PTPRT: variants seen among roughly 807,000 people sequenced by gnomAD.
PTPRT encodes the protein protein tyrosine phosphatase receptor type T, also known as receptor-type tyrosine-protein phosphatase T.
In PTPRT, 56 loss-of-function variants were observed where a neutral mutation model predicts 176.8. That is an observed-to-expected ratio of 0.32 (90% CI 0.26 to 0.40). The LOEUF is 0.40. Among genes scored for constraint, PTPRT ranks in the 10% least tolerant of loss-of-function variants. The pLI, the probability that PTPRT is intolerant of heterozygous loss-of-function variation, is 1.00. For missense variants in PTPRT, 1,540 were observed against 1,908.2 expected, an observed-to-expected ratio of 0.81 and a Z score of 3.60; for synonymous variants, 783 against 739.0, an observed-to-expected ratio of 1.06 and a Z score of -0.96.
intron 21 of PTPRT, among the ~76,000 whole-genome samples, chr20:42,118,022 C>T (rs901812632): frequency 2.0e-5 from 3 of 152,196 alleles, no homozygotes; most frequent in African/African-American, 7.2e-5. Context: ...AAACAGTTGA[C>T]ATTCGACCAT....
rs1177742620 is a variant in PTPRT, at chr20:42,839,687, TC to T, written c.214+46119del. 4.6e-5 allele frequency among the ~76,000 whole-genome samples: 7 copies of T among 152,114 alleles called. No individual in the cohort carries two copies. The East Asian group carries it at 1.3e-3, about 29-fold the overall frequency. ...GGGTGGAGAAAAATGACCAAGGACA[TC>T]CCAAGGTATGGCATAGTCTGGAGGG... On this transcript the variant is annotated intron_variant, in intron 2 of 30. Coordinates refer to ENST00000373187, the MANE Select transcript of PTPRT (RefSeq NM_007050.6).
At chr20:42,905,438 G>T (rs1450812107) in intron 1 of PTPRT, among the ~76,000 whole-genome samples, 1 of 152,198 alleles carries the variant, frequency 6.6e-6, no homozygotes, top group East Asian at 1.9e-4. Flanking sequence ...AGAGGATGTG[G>T]AGAAATAGGA....
chr20:42,776,796 ATAAT>A (rs1268807339), intron 4 of PTPRT, among the ~76,000 whole-genome samples: 13 of 148,456 alleles, frequency 8.8e-5, no homozygotes, highest in South Asian at 4.2e-4. Flanking sequence ...ATATGATTAT[ATAAT>A]TATTTATATA....
chr20:42,036,524 G>C, the PTPRT span, among the ~76,000 whole-genome samples: 1 of 152,174 alleles, frequency 6.6e-6, no homozygotes, highest in East Asian at 1.9e-4. Context: ...TGATTCCACA[G>C]TTGGTGCCCA....
chr20:42,909,242 C>G (rs1010411671), intron 1 of PTPRT, among the ~76,000 whole-genome samples: 3 of 152,116 alleles, frequency 2.0e-5, no homozygotes, highest in Admixed American at 2.0e-4. Context: ...TATCATTGCT[C>G]TATTGATCTA....
chr20:42,768,506 T>C (rs1185237493), intron 5 of PTPRT, among the ~76,000 whole-genome samples: 6 of 150,698 alleles, frequency 4.0e-5, no homozygotes, highest in Admixed American at 1.3e-4. Flanking sequence ...CAGGTAGAAT[T>C]TTCCTGAGCA....
intron 1 of PTPRT, among the ~76,000 whole-genome samples, chr20:43,022,585 G>A (rs929528839): frequency 1.3e-5 from 2 of 152,334 alleles, no homozygotes; most frequent in Middle Eastern, 6.8e-3. Flanking sequence ...TGTCTGGAGA[G>A]GGGGCTGATT....
intron 6 of PTPRT, among the ~76,000 whole-genome samples, chr20:42,696,749 C>A (rs2075886039): frequency 6.6e-6 from 1 of 152,106 alleles, no homozygotes; most frequent in South Asian, 2.1e-4. Flanking sequence ...GCCACCCCGC[C>A]CGGCCATGAA....
At chr20:43,017,607 G>A (rs978194939) in intron 1 of PTPRT, among the ~76,000 whole-genome samples, 14 of 152,122 alleles carry the variant, frequency 9.2e-5, no homozygotes, top group African/African-American at 1.9e-4. Context: ...TGGCCATCCC[G>A]TCAAGCCTGA....
rs185235952 is a variant in PTPRT, at chr20:42,306,873, G to A, written c.2139+8850C>T. Among the ~76,000 whole-genome samples the A allele has an allele frequency of 6.9e-3, 1,051 of 152,290 alleles. 18 individuals are homozygous for A. Among genetic ancestry groups the A allele is most frequent in the African/African-American group, 0.024 (1,002 of 41,560 alleles). On this transcript the variant is annotated intron_variant, in intron 12 of 30. Transcript: ENST00000373187. Reference sequence around the variant, plus strand: ...GTAACTGAGACCCCATGGGATTCCAGGAGCCTCTAGGTGTTCGTCCATCTA... The same window carrying A: ...GTAACTGAGACCCCATGGGATTCCAAGAGCCTCTAGGTGTTCGTCCATCTA...
Position 42,924,634 on chromosome 20 carries a change from T to TA in PTPRT, c.89-38703dup, listed in dbSNP as rs568103292. Among the ~76,000 whole-genome samples, 384 of 152,324 alleles carry TA rather than the reference T, an allele frequency of 2.5e-3. 1 individual carries two copies. Among genetic ancestry groups the TA allele is most frequent in the African/African-American group, 8.8e-3 (364 of 41,574 alleles). ...AGCTGAGCTCACACAGAACGGCTAA[T>TA]ATGTGCACAGAACATCACAGCTGGC... On this transcript the variant is annotated intron_variant, in intron 1 of 30. Coordinates refer to ENST00000373187, the MANE Select transcript of PTPRT (RefSeq NM_007050.6).
At chr20:43,000,061 AGGAGGGAGGGAGGGAGGGAG>A (rs3030231) in intron 1 of PTPRT, among the ~76,000 whole-genome samples, 51 of 81,930 alleles carry the variant, frequency 6.2e-4, no homozygotes, top group Middle Eastern at 7.0e-3. Context: ...GAAGAAGGGA[AGGAGGGAGGGAGGGAGGGAG>A]GGAGGGAGGG....
At position 42,885,923 on chromosome 20, in the gene PTPRT, G is replaced by A; in HGVS notation, c.98C>T (p.Ser33Phe). The change falls in exon 2 of 31, where the codon TCC (serine) becomes TTC (phenylalanine). Residue 33 changes from serine (S) to phenylalanine (F), a missense_variant. By Grantham distance (155) the Ser-to-Phe change is radical (BLOSUM62 -2). This residue lies in a region of PTPRT where 116 missense variants were observed against 118.5 expected (regional missense o/e 0.98). Coordinates refer to ENST00000373187, the MANE Select transcript of PTPRT (RefSeq NM_007050.6). The stretch of plus-strand genomic sequence containing the variant: ...ACAGTTGCTGTAGTGCTCATCAAAG[G>A]AACAGCCACCTGTAGACAAAAGAGA... ...ARAQSAAGGC[S>F]FDEHYSNCGY... 1 of 1,606,596 alleles carries A rather than the reference G, an allele frequency of 6.2e-7. No homozygotes were observed. Among genetic ancestry groups the A allele is most frequent in the Non-Finnish European group, 8.5e-7 (1 of 1,175,098 alleles).
chr20:42,366,610 C>G (rs1213922473), intron 9 of PTPRT, among the ~76,000 whole-genome samples: 2 of 152,214 alleles, frequency 1.3e-5, no homozygotes, highest in Admixed American at 6.5e-5. Flanking sequence ...CAGGGGCCAT[C>G]AAGGAATCAT....
intron 1 of PTPRT, among the ~76,000 whole-genome samples, chr20:43,021,383 T>G (rs1475017271): frequency 2.6e-5 from 4 of 152,166 alleles, no homozygotes; most frequent in Non-Finnish European, 5.9e-5. Flanking sequence ...TCCCTCAGGT[T>G]AGGACCACCT....
chr20:42,466,146 C>A (rs912056690), intron 8 of PTPRT, among the ~76,000 whole-genome samples: 19 of 152,108 alleles, frequency 1.2e-4, no homozygotes, highest in African/African-American at 4.6e-4. Flanking sequence ...TTTCTTTATC[C>A]AGTCTATCAT....
chr20:42,871,112 G>A (rs2078838546), intron 2 of PTPRT, among the ~76,000 whole-genome samples: 1 of 151,822 alleles, frequency 6.6e-6, no homozygotes, highest in Non-Finnish European at 1.5e-5. Flanking sequence ...CACCATGCCT[G>A]ACTAATTTTT....
At chr20:42,795,612 C>T (rs1328873923) in intron 2 of PTPRT, among the ~76,000 whole-genome samples, 5 of 152,196 alleles carry the variant, frequency 3.3e-5, no homozygotes, top group African/African-American at 7.2e-5. Flanking sequence ...CAGGTGGCCC[C>T]GCCAGCTCCC....
At chr20:42,124,907 C>T (rs1428070362) in intron 19 of PTPRT, among the ~76,000 whole-genome samples, 2 of 152,212 alleles carry the variant, frequency 1.3e-5, no homozygotes, top group African/African-American at 2.4e-5. Context: ...GCGCCATGGG[C>T]TCCTATTCTT....
Sources: allele counts gnomAD v4.1 joint callset (sites outside exome capture counted in the v4.1 genomes callset), GRCh38; gene constraint gnomAD v4.1.1; regional missense constraint gnomAD v4.1.1; transcripts MANE v1.5; gene names NCBI Gene and HGNC (gene_info 2026-07-23, HGNC 2026-07-21).